The following CSMD1 variants were observed in gnomAD, a reference collection of about 807,000 sequenced individuals.
The protein encoded by CSMD1 is CUB and sushi domain-containing protein 1.
A neutral mutation model predicts 417.5 loss-of-function variants in CSMD1; 213 were observed. That is an observed-to-expected ratio of 0.51 (90% confidence interval 0.46 to 0.57). CSMD1 has a LOEUF of 0.57. CSMD1 is among the 20% of genes least tolerant of loss of function. The pLI is 0.00. For missense variants in CSMD1, 6,923 were observed against 4,529.7 expected, an observed-to-expected ratio of 1.53 and a Z score of -15.17; for synonymous variants, 2,862 against 1,736.8, an observed-to-expected ratio of 1.65 and a Z score of -16.11.
chr8:3,746,903 A>C (rs1797089193), intron 6 of CSMD1, among the ~76,000 whole-genome samples: 1 of 152,222 alleles, frequency 6.6e-6, no homozygotes, highest in South Asian at 2.1e-4. Context: ...GACTGAGTAC[A>C]GTGGGTCAGG....
chr8:4,144,793 G>A (rs931743828), intron 3 of CSMD1, among the ~76,000 whole-genome samples: 9 of 151,122 alleles, frequency 6.0e-5, no homozygotes, highest in Middle Eastern at 3.4e-3. Flanking sequence ...CAGGTTGTCA[G>A]TAAGAGTTGC....
At chr8:3,941,545 G>C (rs1267650648) in intron 5 of CSMD1, among the ~76,000 whole-genome samples, 1 of 152,032 alleles carries the variant, frequency 6.6e-6, no homozygotes, top group Non-Finnish European at 1.5e-5. Context: ...CTCTCTCTCC[G>C]AGCAGTGGGT....
At chr8:3,365,583 C>G (rs1485624274) in intron 20 of CSMD1, among the ~76,000 whole-genome samples, 1 of 152,232 alleles carries the variant, frequency 6.6e-6, no homozygotes, top group East Asian at 1.9e-4. Context: ...CACATGCAGA[C>G]GAACCATGTC....
At chr8:3,751,216 T>C (rs1453742809) in intron 6 of CSMD1, among the ~76,000 whole-genome samples, 4 of 151,994 alleles carry the variant, frequency 2.6e-5, no homozygotes, top group African/African-American at 4.8e-5. Context: ...CAGGCTTACC[T>C]CTCTTGATAC....
chr8:3,296,454 G>A (rs985757624), intron 25 of CSMD1, among the ~76,000 whole-genome samples: 1 of 152,102 alleles, frequency 6.6e-6, no homozygotes, highest in Non-Finnish European at 1.5e-5. Context: ...GGCTTTGTAG[G>A]CTGTTTTAAG....
chr8:3,977,963 C>T (rs535812681), intron 5 of CSMD1, among the ~76,000 whole-genome samples: 16 of 152,184 alleles, frequency 1.1e-4, no homozygotes, highest in Non-Finnish European at 7.4e-5. Context: ...CTGCCTTTTA[C>T]GTGTCCATCT....
intron 5 of CSMD1, among the ~76,000 whole-genome samples, chr8:3,789,395 T>C (rs56788224): frequency 2.5e-5 from 1 of 40,814 alleles, no homozygotes; most frequent in Non-Finnish European, 5.7e-5. Context: ...GTAGTGTTTT[T>C]TTTTTTAAGT....
intron 37 of CSMD1, among the ~76,000 whole-genome samples, chr8:3,173,231 G>A (rs1463845580): frequency 6.6e-6 from 1 of 152,082 alleles, no homozygotes; most frequent in Non-Finnish European, 1.5e-5. Context: ...TTAGTTTTTT[G>A]TGTTACACTC....
chr8:3,898,524 A>G (rs564308818), intron 5 of CSMD1, among the ~76,000 whole-genome samples: 6 of 152,366 alleles, frequency 3.9e-5, no homozygotes, highest in Admixed American at 3.3e-4. Context: ...AGAGTCTGTC[A>G]TATCTTTGGG....
At chr8:4,286,436 G>A (rs189758614) in intron 3 of CSMD1, among the ~76,000 whole-genome samples, 285 of 152,234 alleles carry the variant, frequency 1.9e-3, no homozygotes, top group African/African-American at 6.5e-3. Context: ...TGGAGAGTAT[G>A]TTTAGTCGGT....
At chr8:3,127,713 G>C (rs1053361654) in intron 41 of CSMD1, 12 of 152,148 alleles carry the variant, frequency 7.9e-5, no homozygotes, top group African/African-American at 2.9e-4. Flanking sequence ...ATTTTTACTT[G>C]CTATGCCTAA....
In CSMD1 at chr8:3,331,058, G is replaced by A. The variant is rs773261718; in HGVS notation, c.3631+12236C>T. 8.2e-4 allele frequency among the ~76,000 whole-genome samples: 124 copies of A among 152,134 alleles called. 1 individual carries two copies. Among genetic ancestry groups the A allele is most frequent in the Admixed American group, 2.7e-3 (41 of 15,288 alleles). ...CAGGTCAGGATATCGAGACCACAGT[G>A]AAACCCCATCTCTACTAAAAATACA... On this transcript the variant is annotated intron_variant, in intron 23 of 69. Transcript: ENST00000635120.
chr8:4,922,521 G>A (rs960722179), intron 1 of CSMD1, among the ~76,000 whole-genome samples: 10 of 152,140 alleles, frequency 6.6e-5, no homozygotes, highest in African/African-American at 2.2e-4. Context: ...TTACATTGCT[G>A]GGCAAACCAT....
intron 1 of CSMD1, among the ~76,000 whole-genome samples, chr8:4,695,741 G>A (rs1807085525): frequency 6.6e-6 from 1 of 152,092 alleles, no homozygotes; most frequent in Admixed American, 6.6e-5. Context: ...TATGTTCTAT[G>A]GGTTTAGACA....
intron 1 of CSMD1, among the ~76,000 whole-genome samples, chr8:4,820,237 G>A (rs573768497): frequency 2.0e-5 from 3 of 152,198 alleles, no homozygotes; most frequent in East Asian, 3.9e-4. Context: ...GAATTGTAGC[G>A]GTGACCCGAC....
At chr8:4,070,389 G>A (rs1021505972) in intron 3 of CSMD1, among the ~76,000 whole-genome samples, 10 of 152,098 alleles carry the variant, frequency 6.6e-5, no homozygotes, top group East Asian at 3.9e-4. Context: ...ACAGAGTCTC[G>A]CTGTGTCGCC....
intron 5 of CSMD1, among the ~76,000 whole-genome samples, chr8:3,970,887 G>A (rs919377663): frequency 6.6e-6 from 1 of 152,072 alleles, no homozygotes; most frequent in African/African-American, 2.4e-5. Context: ...GAGTAGCTGG[G>A]ATTACAGGTG....
chr8:4,218,551 G>C (rs952807605), intron 3 of CSMD1, among the ~76,000 whole-genome samples: 5 of 152,086 alleles, frequency 3.3e-5, no homozygotes, highest in African/African-American at 9.7e-5. Flanking sequence ...ATTTGTTTCT[G>C]AGTCAAGTTG....
chr8:3,087,332 A>G (rs745367327), intron 48 of CSMD1, 47 bp from the exon 49 acceptor site: 1 of 1,582,490 alleles, frequency 6.3e-7, no homozygotes, highest in East Asian at 2.2e-5. Context: ...AAGCAAACAA[A>G]TGGCCAGTGC....
Sources: allele counts gnomAD v4.1 joint callset (sites outside exome capture counted in the v4.1 genomes callset), GRCh38; gene constraint gnomAD v4.1.1; transcripts MANE v1.5; gene names NCBI Gene and HGNC (gene_info 2026-07-23, HGNC 2026-07-21).